Variants in SYT3 observed in about 807,000 individuals in gnomAD.
The protein encoded by SYT3 is synaptotagmin-3.
Under a neutral mutation model 50.6 loss-of-function variants are expected in SYT3, and 25 were observed. That is an observed-to-expected ratio of 0.49 (90% CI 0.36 to 0.69). The LOEUF (loss-of-function observed/expected upper bound fraction) is 0.69. SYT3 is among the 30% of genes least tolerant of loss of function. SYT3 has a pLI of 0.00. For synonymous variants in SYT3, 323 were observed against 353.9 expected, an observed-to-expected ratio of 0.91 and a Z score of 0.98; for missense variants, 589 against 793.6, an observed-to-expected ratio of 0.74 and a Z score of 3.10.
At chr19:50,631,167 C>CTTTTTT in intron 4 of SYT3, among the ~76,000 whole-genome samples, 2 of 20,718 alleles carry the variant, frequency 9.7e-5, no homozygotes, top group Non-Finnish European at 2.5e-4. Flanking sequence ...TTCTTTCTTT[C>CTTTTTT]TTTTTTTTTT....
intron 9 of SYT3, chr19:50,624,824 T>G: frequency 9.7e-6 from 2 of 206,662 alleles, no homozygotes; most frequent in Non-Finnish European, 1.9e-5. Context: ...AGTGCTGGGA[T>G]TACAGGCGTG....
the SYT3 span, among the ~76,000 whole-genome samples, chr19:50,655,056 C>T: frequency 1.6e-4 from 24 of 152,164 alleles, no homozygotes; most frequent in Non-Finnish European, 3.1e-4. Flanking sequence ...ATCTTTTAAG[C>T]AAATGACTCC....
chr19:50,649,665 C>A, the SYT3 span: 1 of 876,550 alleles, frequency 1.1e-6, no homozygotes, highest in Non-Finnish European at 1.8e-6. Context: ...TCCTGGAGAG[C>A]GGCCCCCTTG....
In SYT3 at chr19:50,630,185, G is replaced by A. The variant is rs762767627; in HGVS notation, c.675-14C>T. Reference sequence around the variant, plus strand: ...AGGGCTGGGTACCTGTAGGGGGTTGGGGGGAGACCAAGGTGAGGTCAGTGG... The same window carrying A: ...AGGGCTGGGTACCTGTAGGGGGTTGAGGGGAGACCAAGGTGAGGTCAGTGG... On this transcript the variant is annotated splice_polypyrimidine_tract_variant and intron_variant, in intron 4 of 10. Transcript: ENST00000600079. 1.3e-6 allele frequency: 2 copies of A among 1,505,888 alleles called. No individual in the cohort carries two copies. Among genetic ancestry groups the A allele is most frequent in the Non-Finnish European group, 1.8e-6 (2 of 1,127,886 alleles). 93.3% of individuals were successfully genotyped at this position (1,505,888 alleles called of 1,614,324 possible).
chr19:50,641,168 ATTTTTTTTTTTTTT>A (rs566141853), upstream of SYT3, among the ~76,000 whole-genome samples: 1 of 60,218 alleles, frequency 1.7e-5, no homozygotes, highest in Admixed American at 2.3e-4. Context: ...GAGCCCAGGA[ATTTTTTTTTTTTTT>A]TTTTTTTTTT....
rs1243756173 is a variant in SYT3 at position 50,624,885 on chromosome 19, A to T, written c.1707+277T>A. The T allele has an allele frequency of 2.3e-5, 8 of 347,440 alleles. No individual in the cohort carries two copies. The East Asian group carries it at 3.0e-4, about 13-fold the overall frequency. 21.5% of individuals were successfully genotyped at this position (347,440 alleles called of 1,614,324 possible). A position where few individuals can be genotyped will look rare whatever the true frequency, so the allele number is the denominator to read the frequency against. ...TTTCAACTTAGCCTCATGGGTAACA[A>T]CAGCAGCGACCACCTACAGAACGTT... is the stretch of plus-strand genomic sequence containing the variant. On this transcript the variant is annotated intron_variant, in intron 9 of 10. Transcript: ENST00000600079.
chr19:50,645,132 CA>C, the SYT3 span, among the ~76,000 whole-genome samples: 1 of 152,220 alleles, frequency 6.6e-6, no homozygotes, highest in Non-Finnish European at 1.5e-5. Context: ...TGGGGAGACA[CA>C]CCTTTTGGCC....
At chr19:50,644,412 G>A (rs1374641326), upstream of SYT3, among the ~76,000 whole-genome samples, 1 of 151,804 alleles carries the variant, frequency 6.6e-6, no homozygotes, top group Non-Finnish European at 1.5e-5. Flanking sequence ...AGTTAGAGTG[G>A]GGATGGATAG....
the SYT3 span, among the ~76,000 whole-genome samples, chr19:50,651,506 T>C: frequency 1.3e-5 from 2 of 152,054 alleles, no homozygotes; most frequent in African/African-American, 4.8e-5. Flanking sequence ...AGGGCAGAGG[T>C]GTGTCTCATT....
At chr19:50,634,181 T>C (rs1443935522) in intron 3 of SYT3, among the ~76,000 whole-genome samples, 1 of 152,198 alleles carries the variant, frequency 6.6e-6, no homozygotes, top group East Asian at 1.9e-4. Context: ...AGAAATGACC[T>C]TCAAGGAATG....
rs1984590647 is a variant in SYT3, at chr19:50,639,259, C to T, written c.-153-97G>A. The T allele has an allele frequency of 6.6e-6, 1 of 152,092 alleles. No individual in the cohort carries two copies. The highest frequency in any genetic ancestry group is 1.5e-5 in the Non-Finnish European group (1 of 68,036). The allele number at this position is 152,092 out of a possible 1,614,324, so 9.4% of individuals were successfully genotyped here. ...GCGACCCACTGGGAGCCCGGCCACC[C>T]CCTCCCACCTCCGGGCCCCCAGCTC... On this transcript the variant is annotated intron_variant, in intron 1 of 10. Transcript: ENST00000600079. This position sits in a 1 kb window ranked among gnomAD's most constrained non-coding sequence, Gnocchi z 4.6.
In SYT3 at chr19:50,625,687, C is replaced by A; in HGVS notation, c.1403-123G>T. On this transcript the variant is annotated intron_variant, in intron 7 of 10. Transcript: ENST00000600079. The surrounding 1 kb of genome is among the most constrained non-coding windows in gnomAD (Gnocchi z 7.5). ...GTCCGGGGCCCCAGGCCCCCAGTCC[C>A]TCCTTCCTCAGGCCCAAGAGTCCAG... 1 of 1,409,824 alleles carries A rather than the reference C, an allele frequency of 7.1e-7. No individual in the cohort carries two copies. 87.3% of individuals were successfully genotyped at this position (1,409,824 alleles called of 1,614,324 possible).
Position 50,637,375 on chromosome 19 carries a change from C to T in SYT3, c.37G>A (p.Ala13Thr). ...CAGAGGTCCGAGACCAGGATGAGTG[C>T]CCGCCGGCAGAGGTCATCCTCGTAG... is the stretch of plus-strand genomic sequence containing the variant. The part of the protein sequence containing the change: ...GDYEDDLCRR[A>T]LILVSDLCAR... Residue 13 changes from alanine (A) to threonine (T), a missense_variant, in exon 3 of 11, where the codon GCA becomes ACA. This residue lies in a region of SYT3 where 316 missense variants were observed against 354.3 expected (regional missense o/e 0.89). Coordinates refer to ENST00000600079, the MANE Select transcript of SYT3 (RefSeq NM_001160329.2). This position sits in a 1 kb window ranked among gnomAD's most constrained non-coding sequence, Gnocchi z 4.9. The T allele has an allele frequency of 1.2e-6, 2 of 1,609,370 alleles. No individual in the cohort carries two copies. The highest frequency in any genetic ancestry group is 1.7e-6 in the Non-Finnish European group (2 of 1,177,894).
chr19:50,644,855 G>C (rs1446216287), upstream of SYT3, among the ~76,000 whole-genome samples: 2 of 151,776 alleles, frequency 1.3e-5, no homozygotes, highest in African/African-American at 4.8e-5. Flanking sequence ...GGATGGCTAG[G>C]TGCAGGGATG....
At chr19:50,633,060 C>A (rs1476080216) in intron 3 of SYT3, among the ~76,000 whole-genome samples, 1 of 152,186 alleles carries the variant, frequency 6.6e-6, no homozygotes, top group African/African-American at 2.4e-5. Context: ...CAGCTCACTG[C>A]ACCCTCGAAC....
chr19:50,655,940 A>C, the SYT3 span: 1 of 1,029,712 alleles, frequency 9.7e-7, no homozygotes, highest in Non-Finnish European at 1.4e-6. Flanking sequence ...AACATCTGGC[A>C]TACAAGCTAT....
intron 9 of SYT3, among the ~76,000 whole-genome samples, chr19:50,624,243 T>A (rs1016876026): frequency 3.9e-5 from 6 of 152,186 alleles, no homozygotes; most frequent in Non-Finnish European, 8.8e-5. Context: ...TGCTGGGATT[T>A]CAGGCATGAG....
the SYT3 span, among the ~76,000 whole-genome samples, chr19:50,655,085 C>T: frequency 6.6e-6 from 1 of 152,202 alleles, no homozygotes. Context: ...ACCTCTCACT[C>T]CAGCTAACAC....
At position 50,630,186 on chromosome 19, in the gene SYT3, G is replaced by T. The variant is rs1312458860; in HGVS notation, c.675-15C>A. ...GGGCTGGGTACCTGTAGGGGGTTGGGGGGAGACCAAGGTGAGGTCAGTGGC... is the reference window on the plus strand; with the variant it reads ...GGGCTGGGTACCTGTAGGGGGTTGGTGGGAGACCAAGGTGAGGTCAGTGGC... On this transcript the variant is annotated splice_polypyrimidine_tract_variant and intron_variant, in intron 4 of 10. Transcript: ENST00000600079. The T allele has an allele frequency of 6.6e-7, 1 of 1,505,370 alleles. No homozygotes were observed. Among genetic ancestry groups the T allele is most frequent in the South Asian group, 1.3e-5 (1 of 74,656 alleles). The allele number at this position is 1,505,370 out of a possible 1,614,324, so 93.3% of individuals were successfully genotyped here.
Sources: allele counts gnomAD v4.1 joint callset (sites outside exome capture counted in the v4.1 genomes callset), GRCh38; gene constraint gnomAD v4.1.1; regional missense constraint gnomAD v4.1.1; non-coding constraint Gnocchi (gnomAD v3.1); transcripts MANE v1.5; gene names NCBI Gene and HGNC (gene_info 2026-07-23, HGNC 2026-07-21).